ZCCHC7: variants seen among roughly 807,000 people sequenced by gnomAD.
ZCCHC7 encodes the protein zinc finger CCHC domain-containing protein 7.
Under a neutral mutation model 52.0 loss-of-function variants are expected in ZCCHC7, and 35 were observed. The observed-to-expected ratio is 0.67, with a 90% confidence interval of 0.51 to 0.89. The LOEUF is 0.89. ZCCHC7 is among the 40% of genes least tolerant of loss of function. ZCCHC7 has a pLI of 0.00. For synonymous variants in ZCCHC7, 217 were observed against 221.5 expected, an observed-to-expected ratio of 0.98 and a Z score of 0.18; for missense variants, 574 against 649.1, an observed-to-expected ratio of 0.88 and a Z score of 1.26.
intron 2 of ZCCHC7, among the ~76,000 whole-genome samples, chr9:37,189,128 C>T (rs910960210): frequency 2.0e-5 from 3 of 149,950 alleles, no homozygotes; most frequent in Admixed American, 6.6e-5. Context: ...TTTATATCTT[C>T]TATTTTTTGA....
chr9:37,170,422 A>G lies in ZCCHC7; in HGVS notation c.610+43480A>G, dbSNP rs555935546. ...GTTTCATTCTCACATACCAATTCCAATCTTTTGAAACAGAGTGTTGAGGAG... is the reference window on the plus strand; with the variant it reads ...GTTTCATTCTCACATACCAATTCCAGTCTTTTGAAACAGAGTGTTGAGGAG... On this transcript the variant is annotated intron_variant, in intron 2 of 8. Coordinates refer to ENST00000336755, the MANE Select transcript of ZCCHC7 (RefSeq NM_032226.3). Among the ~76,000 whole-genome samples the G allele has an allele frequency of 4.6e-5, 7 of 152,316 alleles. No individual in the cohort carries two copies. In the South Asian group the frequency reaches 1.0e-3, roughly 23 times the overall value.
At chr9:37,122,096 C>T (rs1043173519) in intron 1 of ZCCHC7, among the ~76,000 whole-genome samples, 1 of 152,082 alleles carries the variant, frequency 6.6e-6, no homozygotes, top group African/African-American at 2.4e-5. Context: ...GAGATGGATG[C>T]GTGTGTCATC....
chr9:37,208,620 C>G (rs1257837818), intron 2 of ZCCHC7, among the ~76,000 whole-genome samples: 2 of 152,218 alleles, frequency 1.3e-5, no homozygotes, highest in Non-Finnish European at 2.9e-5. Context: ...GTACTTACAT[C>G]TCATGTCCAC....
At chr9:37,186,695 T>C (rs897682574) in intron 2 of ZCCHC7, 2 of 540,494 alleles carry the variant, frequency 3.7e-6, no homozygotes, top group Non-Finnish European at 7.0e-6. Flanking sequence ...GATTCAAATA[T>C]TTTTTTTTCC....
chr9:37,320,511 A>G (rs1487845759), intron 5 of ZCCHC7, among the ~76,000 whole-genome samples: 2 of 152,312 alleles, frequency 1.3e-5, no homozygotes, highest in African/African-American at 2.4e-5. Flanking sequence ...GTTCCAGTCT[A>G]TAGACTACTG....
At chr9:37,260,050 G>A (rs964146864) in intron 2 of ZCCHC7, among the ~76,000 whole-genome samples, 1 of 152,200 alleles carries the variant, frequency 6.6e-6, no homozygotes, top group Non-Finnish European at 1.5e-5. Context: ...ATGCCTTGAT[G>A]AATTCTGATA....
intron 6 of ZCCHC7, among the ~76,000 whole-genome samples, chr9:37,339,538 T>C (rs186081721): frequency 3.4e-3 from 522 of 152,356 alleles, no homozygotes; most frequent in Non-Finnish European, 5.5e-3. Flanking sequence ...TTTGGAAATA[T>C]GAAAGAATAA....
At chr9:37,303,534 G>T (rs777936234) in intron 3 of ZCCHC7, among the ~76,000 whole-genome samples, 7 of 149,910 alleles carry the variant, frequency 4.7e-5, no homozygotes, top group Non-Finnish European at 1.0e-4. Flanking sequence ...TGAAACATAA[G>T]TAGAGAAAGA....
At chr9:37,287,118 C>T (rs1828290422) in intron 2 of ZCCHC7, among the ~76,000 whole-genome samples, 1 of 142,864 alleles carries the variant, frequency 7.0e-6, no homozygotes. Flanking sequence ...CAACCTCTGC[C>T]TCCCGGGCTC....
chr9:37,284,921 A>G (rs1226156576), intron 2 of ZCCHC7, among the ~76,000 whole-genome samples: 1 of 152,206 alleles, frequency 6.6e-6, no homozygotes, highest in East Asian at 1.9e-4. Flanking sequence ...AATGTTTCAC[A>G]TATGTTGCTG....
intron 2 of ZCCHC7, among the ~76,000 whole-genome samples, chr9:37,136,400 G>A (rs1306029443): frequency 6.6e-6 from 1 of 151,998 alleles, no homozygotes; most frequent in Non-Finnish European, 1.5e-5. Flanking sequence ...CCACTTTTTT[G>A]TTGTTGTTTG....
At chr9:37,152,866 G>C (rs1820607173) in intron 2 of ZCCHC7, among the ~76,000 whole-genome samples, 1 of 152,198 alleles carries the variant, frequency 6.6e-6, no homozygotes, top group East Asian at 1.9e-4. Context: ...ACTTAAGGAA[G>C]AGAGTGTTAT....
intron 2 of ZCCHC7, among the ~76,000 whole-genome samples, chr9:37,171,775 C>T (rs577055068): frequency 6.6e-6 from 1 of 152,146 alleles, no homozygotes; most frequent in Non-Finnish European, 1.5e-5. Flanking sequence ...TTGAGTTCTA[C>T]AAACTAGTTA....
chr9:37,345,251 T>C (rs79668962), intron 6 of ZCCHC7, among the ~76,000 whole-genome samples: 7,853 of 152,302 alleles, frequency 0.052, 657 homozygotes, highest in African/African-American at 0.18. Flanking sequence ...TCTCTTTTGT[T>C]TTTATTTCTC....
At chr9:37,355,898 G>A (rs747836238) in intron 8 of ZCCHC7, among the ~76,000 whole-genome samples, 1 of 152,144 alleles carries the variant, frequency 6.6e-6, no homozygotes, top group Admixed American at 6.6e-5. Context: ...AAAAAGAATT[G>A]CATGAAAATG....
intron 2 of ZCCHC7, among the ~76,000 whole-genome samples, chr9:37,165,468 A>G (rs1821368444): frequency 6.6e-6 from 1 of 151,972 alleles, no homozygotes; most frequent in Non-Finnish European, 1.5e-5. Context: ...GATACCCTTT[A>G]TTGGTTTGAG....
intron 2 of ZCCHC7, among the ~76,000 whole-genome samples, chr9:37,194,449 G>A (rs540482576): frequency 1.3e-5 from 2 of 152,216 alleles, no homozygotes; most frequent in South Asian, 2.1e-4. Context: ...TTAGTATAGG[G>A]AATGGAATTA....
intron 2 of ZCCHC7, among the ~76,000 whole-genome samples, chr9:37,159,650 T>C (rs141359213): frequency 6.6e-6 from 1 of 151,872 alleles, no homozygotes; most frequent in African/African-American, 2.4e-5. Flanking sequence ...CTGAAGATAC[T>C]CCAGAAATCT....
chr9:37,352,277 T>C (rs2118659862), intron 7 of ZCCHC7, among the ~76,000 whole-genome samples: 1 of 152,300 alleles, frequency 6.6e-6, no homozygotes, highest in East Asian at 1.9e-4. Context: ...ATACTATTAT[T>C]GAATGGATTC....
Sources: allele counts gnomAD v4.1 joint callset (sites outside exome capture counted in the v4.1 genomes callset), GRCh38; gene constraint gnomAD v4.1.1; transcripts MANE v1.5; gene names NCBI Gene and HGNC (gene_info 2026-07-23, HGNC 2026-07-21).